Variants in SLC23A2 observed in about 807,000 individuals in gnomAD.
SLC23A2 encodes the protein Na(+)/L-ascorbic acid transporter 2.
SLC23A2 carries 36 observed loss-of-function variants against 73.3 expected under a neutral mutation model. The observed-to-expected ratio is 0.49, with a 90% confidence interval of 0.38 to 0.65. SLC23A2 has a LOEUF of 0.65. Among genes scored for constraint, SLC23A2 ranks in the 30% least tolerant of loss-of-function variants. The probability of loss-of-function intolerance (pLI) is 0.00; values close to 1 mark genes in which losing one functional copy is unlikely to be tolerated. For missense variants in SLC23A2, 507 were observed against 841.6 expected, an observed-to-expected ratio of 0.60 and a Z score of 4.92; for synonymous variants, 343 against 327.3, an observed-to-expected ratio of 1.05 and a Z score of -0.52.
At chr20:4,873,250 C>G (rs936573046) in intron 11 of SLC23A2, among the ~76,000 whole-genome samples, 1 of 152,152 alleles carries the variant, frequency 6.6e-6, no homozygotes, top group African/African-American at 2.4e-5. Context: ...CTGAACCTGA[C>G]TAAGCTCAGG....
At chr20:4,975,660 C>T (rs2087632958) in intron 1 of SLC23A2, among the ~76,000 whole-genome samples, 2 of 150,516 alleles carry the variant, frequency 1.3e-5, no homozygotes, top group Admixed American at 1.3e-4. Flanking sequence ...GGATTACGGG[C>T]GTGAGCCACC....
At chr20:4,940,523 T>C (rs1228333030) in intron 2 of SLC23A2, among the ~76,000 whole-genome samples, 4 of 150,264 alleles carry the variant, frequency 2.7e-5, no homozygotes, top group Non-Finnish European at 1.5e-5. Flanking sequence ...TAAAACCAAC[T>C]ATACATGCCA....
intron 1 of SLC23A2, 87 bp downstream of exon 1, chr20:5,001,319 G>A (rs1282594368): frequency 6.8e-6 from 1 of 146,494 alleles, no homozygotes; most frequent in Non-Finnish European, 1.5e-5. Context: ...TGCCAGGCCG[G>A]CCTCGTGGGC....
rs183960559 is a variant in SLC23A2 at position 4,965,161 on chromosome 20, G to A, written c.-155+5632C>T. 2.2e-4 allele frequency among the ~76,000 whole-genome samples: 33 copies of A among 152,180 alleles called. No homozygotes were observed. The East Asian group carries it at 2.9e-3, about 13-fold the overall frequency. On this transcript the variant is annotated intron_variant, in intron 2 of 16. Transcript: ENST00000338244. ...CTATTGATATAGTCAGTGTGCTCCC[G>A]GAGAGAGCGCTGGGAGGGCTAGAGT... is the stretch of plus-strand genomic sequence containing the variant.
rs1931667505 is a variant in SLC23A2, at chr20:4,899,499, CT to C, written c.482+55del. ...GGCAAACGGCGCAGCTCAATGCCTTCTGCGCTCAATGCCTTCTGGGGGCTTT... is the reference window on the plus strand; with the variant it reads ...GGCAAACGGCGCAGCTCAATGCCTTCGCGCTCAATGCCTTCTGGGGGCTTT... On this transcript the variant is annotated intron_variant, in intron 6 of 16. Coordinates refer to ENST00000338244, the MANE Select transcript of SLC23A2 (RefSeq NM_005116.6). The surrounding 1 kb of genome is among the most constrained non-coding windows in gnomAD (Gnocchi z 4.9). 1.7e-5 allele frequency: 1 copy of C among 60,386 alleles called. No individual in the cohort carries two copies. The highest frequency in any genetic ancestry group is 2.6e-5 in the Non-Finnish European group (1 of 38,926). The allele number at this position is 60,386 out of a possible 1,614,324, so 3.7% of individuals were successfully genotyped here.
chr20:4,945,001 CAAA>C (rs201461959), intron 2 of SLC23A2, among the ~76,000 whole-genome samples: 5 of 113,314 alleles, frequency 4.4e-5, no homozygotes, highest in Admixed American at 9.2e-5. Flanking sequence ...TCTGAATTCT[CAAA>C]AAAAAAAAAA....
chr20:5,006,976 T>TGTGC (rs1282952601), intron 1 of SLC23A2, among the ~76,000 whole-genome samples: 25 of 140,044 alleles, frequency 1.8e-4, no homozygotes, highest in African/African-American at 3.1e-4. Flanking sequence ...TGTGTGTGTG[T>TGTGC]GCGTGCGTGC....
At chr20:4,993,214 G>A (rs899684553) in intron 1 of SLC23A2, among the ~76,000 whole-genome samples, 1 of 151,268 alleles carries the variant, frequency 6.6e-6, no homozygotes, top group Non-Finnish European at 1.5e-5. Flanking sequence ...AACCTGGGAG[G>A]TGGAGCTTGC....
intron 9 of SLC23A2, among the ~76,000 whole-genome samples, chr20:4,882,881 G>A (rs1192355733): frequency 6.6e-6 from 1 of 152,106 alleles, no homozygotes; most frequent in Non-Finnish European, 1.5e-5. Context: ...GAGTTGTACT[G>A]GCTGGTTAAA....
Position 4,856,844 on chromosome 20 carries a change from A to G in SLC23A2, c.*128T>C. 2 of 661,228 alleles carry G rather than the reference A, an allele frequency of 3.0e-6. No individual in the cohort carries two copies. The highest frequency in any genetic ancestry group is 5.3e-6 in the Non-Finnish European group (2 of 376,368). The allele number at this position is 661,228 out of a possible 1,614,324, so 41.0% of individuals were successfully genotyped here. On this transcript the variant is annotated 3_prime_UTR_variant, in exon 17 of 17. Transcript: ENST00000338244. The surrounding 1 kb of genome is among the most constrained non-coding windows in gnomAD (Gnocchi z 4.6). ...CCCTCACAGCAGAAAAGTGATTCGC[A>G]GTCTGTCTTAGCTCTGGGGCGCAGA...
chr20:4,984,952 C>T (rs889852022), intron 1 of SLC23A2, among the ~76,000 whole-genome samples: 4 of 152,130 alleles, frequency 2.6e-5, no homozygotes, highest in Non-Finnish European at 5.9e-5. Flanking sequence ...TCCTGGCCAA[C>T]ACGGTGAAAC....
At chr20:4,978,828 C>T (rs1467775881) in intron 1 of SLC23A2, among the ~76,000 whole-genome samples, 3 of 152,180 alleles carry the variant, frequency 2.0e-5, no homozygotes, top group South Asian at 4.1e-4. Context: ...CCCCTAAAAC[C>T]TAGCTAGGAC....
Position 4,857,000 on chromosome 20 carries a change from G to T in SLC23A2, c.1925C>A (p.Ser642Ter). The T allele has an allele frequency of 6.2e-7, 1 of 1,614,044 alleles. No homozygotes were observed. The highest frequency in any genetic ancestry group is 1.1e-5 in the South Asian group (1 of 91,060). Reference sequence around the variant, plus strand: ...TCCCGTGGCCTGGGAGTCTTCATCTGAACTCCGGCTGTTGTCGCTCTTCCT... The same window carrying T: ...TCCCGTGGCCTGGGAGTCTTCATCTTAACTCCGGCTGTTGTCGCTCTTCCT... ...GLRKSDNSRS[S>*]DEDSQATG The change falls in exon 17 of 17, where the codon TCA becomes TAA. Residue 642 changes from serine to a stop codon, truncating the protein, a stop_gained. Transcript: ENST00000338244. LOFTEE classifies it high-confidence loss of function. This position sits in a 1 kb window ranked among gnomAD's most constrained non-coding sequence, Gnocchi z 4.6.
intron 6 of SLC23A2, among the ~76,000 whole-genome samples, chr20:4,889,800 T>C (rs1458590450): frequency 6.6e-6 from 1 of 152,086 alleles, no homozygotes. Context: ...CAATGAATAC[T>C]TAATGAAATG....
intron 9 of SLC23A2, among the ~76,000 whole-genome samples, chr20:4,875,539 G>C (rs113757062): frequency 1.9e-4 from 29 of 152,268 alleles, no homozygotes; most frequent in African/African-American, 7.0e-4. Context: ...AAGGAGGCTG[G>C]GCTGCGTAAG....
chr20:5,001,190 C>T (rs1159047877), intron 1 of SLC23A2, among the ~76,000 whole-genome samples: 4 of 146,548 alleles, frequency 2.7e-5, no homozygotes, highest in East Asian at 4.4e-4. Flanking sequence ...TGAGGGCCGC[C>T]GGGCATCTTG....
At chr20:4,928,795 T>C (rs1162883688) in intron 3 of SLC23A2, among the ~76,000 whole-genome samples, 1 of 152,210 alleles carries the variant, frequency 6.6e-6, no homozygotes, top group East Asian at 1.9e-4. Context: ...ACGTCCACAT[T>C]CCCAGCTCCC....
chr20:4,857,279 C>CACAT lies in SLC23A2; in HGVS notation c.1721-79_1721-76dup, dbSNP rs1278263783. 5 of 543,888 alleles carry CACAT rather than the reference C, an allele frequency of 9.2e-6. No individual in the cohort carries two copies. The East Asian group carries it at 1.5e-4, about 16-fold the overall frequency. The allele number at this position is 543,888 out of a possible 1,614,324, so 33.7% of individuals were successfully genotyped here. Reference sequence around the variant, plus strand: ...TACTGAAAATGAAACTGTCGTCAAACACATACACACACACACACACACACA... The same window carrying CACAT: ...TACTGAAAATGAAACTGTCGTCAAACACATACATACACACACACACACACACACA... On this transcript the variant is annotated intron_variant, in intron 16 of 16. Coordinates refer to ENST00000338244, the MANE Select transcript of SLC23A2 (RefSeq NM_005116.6). The surrounding 1 kb of genome is among the most constrained non-coding windows in gnomAD (Gnocchi z 4.0).
intron 1 of SLC23A2, among the ~76,000 whole-genome samples, chr20:4,986,598 G>C (rs932678848): frequency 1.3e-5 from 2 of 151,432 alleles, no homozygotes; most frequent in South Asian, 2.1e-4. Context: ...ACAGGCATGA[G>C]TCACCGCGCC....
Sources: gnomAD v4.1 joint callset for allele counts (sites outside exome capture counted in the v4.1 genomes callset) on GRCh38, gnomAD v4.1.1 for gene constraint, Gnocchi (gnomAD v3.1) non-coding constraint, MANE v1.5 for transcripts, NCBI Gene and HGNC (gene_info 2026-07-23, HGNC 2026-07-21) for gene names.